The following GOLM1 variants were observed in gnomAD, a reference collection of about 807,000 sequenced individuals.
GOLM1 encodes the protein epididymis luminal protein 46.
A neutral mutation model predicts 50.5 loss-of-function variants in GOLM1; 31 were observed. The observed-to-expected ratio is 0.61, with a 90% confidence interval of 0.46 to 0.83. GOLM1 has a LOEUF of 0.83. GOLM1 is among the 40% of genes least tolerant of loss of function. GOLM1 has a pLI of 0.00. For missense variants in GOLM1, 491 were observed against 501.3 expected, an observed-to-expected ratio of 0.98 and a Z score of 0.20; for synonymous variants, 178 against 192.8, an observed-to-expected ratio of 0.92 and a Z score of 0.64.
Position 86,035,386 on chromosome 9 carries a change from G to C in GOLM1, c.997C>G (p.Gln333Glu). ...CACCCACCTTCCCCGGCAGCTTCCTGCTCCTCCTCCTGTCCGTCGGGGATG... is the reference window on the plus strand; with the variant it reads ...CACCCACCTTCCCCGGCAGCTTCCTCCTCCTCCTCCTGTCCGTCGGGGATG... ...LVIPDGQEEE[Q>E]EAAGEGRNQQ... is the part of the protein sequence containing the mutation. Residue 333 changes from glutamine to glutamate, a missense_variant, in exon 8 of 10, where the codon CAG becomes GAG. Gln to Glu is a conservative substitution (Grantham distance 29). Coordinates refer to ENST00000388712, the MANE Select transcript of GOLM1 (RefSeq NM_016548.4). 1 of 1,613,838 alleles carries C rather than the reference G, an allele frequency of 6.2e-7. No individual in the cohort carries two copies. The highest frequency in any genetic ancestry group is 8.5e-7 in the Non-Finnish European group (1 of 1,180,000).
intron 5 of GOLM1, among the ~76,000 whole-genome samples, chr9:86,045,822 G>GA (rs1171559753): frequency 6.6e-6 from 1 of 152,132 alleles, no homozygotes; most frequent in African/African-American, 2.4e-5. Flanking sequence ...AAGTCAAAGG[G>GA]AAAAGGACAG....
In GOLM1 at chr9:86,079,383, T is replaced by C. The variant is rs1478037968; in HGVS notation, c.-21-42A>G. On this transcript the variant is annotated intron_variant, in intron 1 of 9. Transcript: ENST00000388712. ...AATAAATAAACATCAATACTAGTTT[T>C]ATCATCTCCGAAGCAGACCGTATCA... The C allele has an allele frequency of 5.4e-6, 8 of 1,468,008 alleles. No homozygotes were observed. In the South Asian group the frequency reaches 1.0e-4, roughly 19 times the overall value. 90.9% of individuals were successfully genotyped at this position (1,468,008 alleles called of 1,614,324 possible). A position where few individuals can be genotyped will look rare whatever the true frequency, so the allele number is the denominator to read the frequency against.
At chr9:86,060,247 G>C (rs559292471) in intron 3 of GOLM1, among the ~76,000 whole-genome samples, 1 of 152,130 alleles carries the variant, frequency 6.6e-6, no homozygotes, top group Admixed American at 6.5e-5. Context: ...GCTAGGGACA[G>C]CAAGTTCCAG....
At chr9:86,076,460 AT>A (rs1388183011) in intron 3 of GOLM1, among the ~76,000 whole-genome samples, 10 of 141,924 alleles carry the variant, frequency 7.0e-5, no homozygotes, top group African/African-American at 2.4e-4. Context: ...AAAAAGCCAA[AT>A]TTTTCTAGTT....
intron 6 of GOLM1, among the ~76,000 whole-genome samples, chr9:86,038,937 TAAATA>T (rs1319616739): frequency 6.6e-6 from 1 of 150,664 alleles, no homozygotes; most frequent in Non-Finnish European, 1.5e-5. Context: ...AAAGAAAAAA[TAAATA>T]AAATGGGGAT....
At chr9:86,045,315 C>G (rs1021437216) in intron 5 of GOLM1, among the ~76,000 whole-genome samples, 1 of 151,686 alleles carries the variant, frequency 6.6e-6, no homozygotes, top group African/African-American at 2.4e-5. Flanking sequence ...TGCACCGCTG[C>G]ACTCCAGCCT....
chr9:86,058,969 G>A (rs1021275206), intron 3 of GOLM1, among the ~76,000 whole-genome samples: 7 of 152,122 alleles, frequency 4.6e-5, no homozygotes, highest in African/African-American at 1.7e-4. Flanking sequence ...TTGCATTCCA[G>A]CCTGGGTGAT....
chr9:86,057,546 A>AC (rs35593211), intron 3 of GOLM1, among the ~76,000 whole-genome samples: 7 of 151,856 alleles, frequency 4.6e-5, no homozygotes, highest in Non-Finnish European at 1.0e-4. Context: ...GGGAAACAGA[A>AC]CCCCCCACTC....
In GOLM1 at chr9:86,040,791, T is replaced by A; in HGVS notation, c.545A>T (p.Asn182Ile). The stretch of plus-strand genomic sequence containing the variant: ...CAGGTCTCTGGAAGCTACAGCTTCA[T>A]TCCCCTTTTTGGTGACCTCTTCTAT... ...ERIEEVTKKG[N>I]EAVASRDLSE... Residue 182 changes from asparagine to isoleucine, a missense_variant, in exon 6 of 10, where the codon AAT becomes ATT. Physicochemically the swap from Asn to Ile is moderately radical, Grantham distance 149 (BLOSUM62 -3). Transcript: ENST00000388712. 1 of 1,613,832 alleles carries A rather than the reference T, an allele frequency of 6.2e-7. No homozygotes were observed. Among genetic ancestry groups the A allele is most frequent in the South Asian group, 1.1e-5 (1 of 91,066 alleles).
intron 3 of GOLM1, among the ~76,000 whole-genome samples, chr9:86,053,045 A>G (rs1833817726): frequency 6.8e-6 from 1 of 146,544 alleles, no homozygotes; most frequent in Non-Finnish European, 1.5e-5. Flanking sequence ...ATATGACTCC[A>G]CACACCACCA....
intron 5 of GOLM1, among the ~76,000 whole-genome samples, chr9:86,041,844 C>T (rs1008542935): frequency 6.6e-6 from 1 of 152,148 alleles, no homozygotes; most frequent in Non-Finnish European, 1.5e-5. Flanking sequence ...TGGGGCCAGG[C>T]GCAGTGGCTC....
intron 1 of GOLM1, among the ~76,000 whole-genome samples, chr9:86,090,338 G>A (rs1284587715): frequency 1.3e-5 from 2 of 152,186 alleles, no homozygotes; most frequent in Admixed American, 1.3e-4. Context: ...TGCTGAAGCT[G>A]TGCCCACAGC....
At position 86,079,186 on chromosome 9, in the gene GOLM1, A is replaced by C. The variant is rs1834713070; in HGVS notation, c.129+6T>G. ...AATAAACATAACAATAAAGAAAACA[A>C]AACACCTGGAGGTCCACGCTCCGGG... On this transcript the variant is annotated splice_donor_region_variant and intron_variant, in intron 2 of 9. Transcript: ENST00000388712. The C allele has an allele frequency of 6.5e-7, 1 of 1,537,392 alleles. No individual in the cohort carries two copies. Among genetic ancestry groups the C allele is most frequent in the Non-Finnish European group, 8.7e-7 (1 of 1,143,242 alleles).
chr9:86,063,038 T>C (rs540125624), intron 3 of GOLM1, among the ~76,000 whole-genome samples: 216 of 152,228 alleles, frequency 1.4e-3, no homozygotes, highest in Non-Finnish European at 2.3e-3. Context: ...AAGCTGCCCC[T>C]CAGCTCTTCC....
chr9:86,098,435 C>T (rs185202097), intron 1 of GOLM1, among the ~76,000 whole-genome samples: 2 of 152,286 alleles, frequency 1.3e-5, no homozygotes, highest in East Asian at 1.9e-4. Context: ...CTGCTAAATA[C>T]TTCATCAGGT....
At chr9:86,054,528 G>T (rs62573247) in intron 3 of GOLM1, among the ~76,000 whole-genome samples, 44,913 of 152,056 alleles carry the variant, frequency 0.3, 7,135 homozygotes, top group Middle Eastern at 0.36. Flanking sequence ...CCGGCCTCAT[G>T]TATTCTTCTT....
chr9:86,076,979 TTC>T (rs1270669603), intron 3 of GOLM1, among the ~76,000 whole-genome samples: 3 of 152,218 alleles, frequency 2.0e-5, no homozygotes, highest in African/African-American at 7.2e-5. Flanking sequence ...GTCCCCTACT[TTC>T]TCTGTTAGTA....
chr9:86,090,829 T>G (rs1041471440), intron 1 of GOLM1, among the ~76,000 whole-genome samples: 5 of 133,644 alleles, frequency 3.7e-5, no homozygotes, highest in Non-Finnish European at 7.8e-5. Flanking sequence ...TGCAGCTAGC[T>G]CAGTGTCTGC....
At chr9:86,085,442 C>T in intron 1 of GOLM1, among the ~76,000 whole-genome samples, 1 of 132,792 alleles carries the variant, frequency 7.5e-6, no homozygotes, top group Non-Finnish European at 1.6e-5. Context: ...GAAATTTTGC[C>T]CAAAGTTTTT....
Sources: gnomAD v4.1 joint callset for allele counts (sites outside exome capture counted in the v4.1 genomes callset) on GRCh38, gnomAD v4.1.1 for gene constraint, MANE v1.5 for transcripts, NCBI Gene and HGNC (gene_info 2026-07-23, HGNC 2026-07-21) for gene names.